The following RGS7BP variants were observed in gnomAD, a reference collection of about 807,000 sequenced individuals.
RGS7BP encodes regulator of G protein signaling 7 binding protein, also known as regulator of G protein signaling 7-binding protein.
RGS7BP carries 9 observed loss-of-function variants against 31.3 expected under a neutral mutation model. That is an observed-to-expected ratio of 0.29 (90% CI 0.17 to 0.50). RGS7BP has a LOEUF of 0.50. Among genes scored for constraint, RGS7BP ranks in the 20% least tolerant of loss-of-function variants. The pLI, the probability that RGS7BP is intolerant of heterozygous loss-of-function variation, is 0.98. For synonymous variants in RGS7BP, 115 were observed against 120.1 expected, an observed-to-expected ratio of 0.96 and a Z score of 0.28; for missense variants, 274 against 322.0, an observed-to-expected ratio of 0.85 and a Z score of 1.14.
At chr5:64,601,188 C>G (rs1268921471) in intron 5 of RGS7BP, among the ~76,000 whole-genome samples, 1 of 152,080 alleles carries the variant, frequency 6.6e-6, no homozygotes, top group African/African-American at 2.4e-5. Context: ...TTTCCTTTCT[C>G]TTTTTATTCC....
intron 5 of RGS7BP, among the ~76,000 whole-genome samples, chr5:64,600,399 GT>G (rs1427891230): frequency 1.3e-5 from 2 of 151,846 alleles, no homozygotes; most frequent in African/African-American, 4.8e-5. Flanking sequence ...CAGAAATTTT[GT>G]TTTATTTGGT....
rs74856498 is a variant in RGS7BP, at chr5:64,588,640, T to C, written c.464-6070T>C. Among the ~76,000 whole-genome samples, 491 of 152,306 alleles carry C rather than the reference T, an allele frequency of 3.2e-3. 1 individual carries two copies. Among genetic ancestry groups the C allele is most frequent in the Non-Finnish European group, 6.2e-3 (419 of 68,024 alleles). ...AGAAATCTCATGTCTTCTTCCAGTA[T>C]CCATGAAACTACAATAGGCTAATTT... On this transcript the variant is annotated intron_variant, in intron 3 of 5. Transcript: ENST00000334025.
chr5:64,538,546 C>CTTTTTT lies in RGS7BP; in HGVS notation c.332+30692_332+30697dup, dbSNP rs1191560944. Among the ~76,000 whole-genome samples, 29 of 40,030 alleles carry CTTTTTT rather than the reference C, an allele frequency of 7.2e-4. 5 individuals are homozygous for CTTTTTT. Among genetic ancestry groups the CTTTTTT allele is most frequent in the African/African-American group, 2.7e-3 (24 of 8,978 alleles). The allele number at this position is 40,030 out of a possible 152,430, so 26.3% of individuals were successfully genotyped here. ...TTCTTTTCTTTTTTTTTTTCCTTTT[C>CTTTTTT]TTTTTTTTTTTTTTTTTTTTTTTTT... On this transcript the variant is annotated intron_variant, in intron 2 of 5. Coordinates refer to ENST00000334025, the MANE Select transcript of RGS7BP (RefSeq NM_001029875.3).
At chr5:64,600,397 T>A (rs62372271) in intron 5 of RGS7BP, among the ~76,000 whole-genome samples, 15,402 of 152,220 alleles carry the variant, frequency 0.1, 848 homozygotes, top group Middle Eastern at 0.18. Flanking sequence ...AACAGAAATT[T>A]TGTTTTATTT....
intron 5 of RGS7BP, among the ~76,000 whole-genome samples, chr5:64,604,064 G>A (rs780655091): frequency 4.6e-5 from 7 of 152,302 alleles, no homozygotes; most frequent in Non-Finnish European, 1.0e-4. Flanking sequence ...CATCGTTAGG[G>A]AATTCTAAGT....
rs116570782 is a variant in RGS7BP at position 64,596,520 on chromosome 5, C to G, written c.611+1663C>G. On this transcript the variant is annotated intron_variant, in intron 4 of 5. Coordinates refer to ENST00000334025, the MANE Select transcript of RGS7BP (RefSeq NM_001029875.3). ...TTAGAGGAGACAGTGCCTCAATCCCCCATGTTGCATTCCTAGCCCTTTCTC... is the reference window on the plus strand; with the variant it reads ...TTAGAGGAGACAGTGCCTCAATCCCGCATGTTGCATTCCTAGCCCTTTCTC... 6.5e-3 allele frequency among the ~76,000 whole-genome samples: 988 copies of G among 152,230 alleles called. 12 individuals are homozygous for G. The highest frequency in any genetic ancestry group is 0.023 in the African/African-American group (945 of 41,536).
chr5:64,542,595 T>C (rs1741552940), intron 2 of RGS7BP, among the ~76,000 whole-genome samples: 2 of 152,204 alleles, frequency 1.3e-5, no homozygotes, highest in South Asian at 4.1e-4. Context: ...AGCCATAGCA[T>C]GTTTACAAGG....
At chr5:64,599,155 G>A (rs1476063946) in intron 5 of RGS7BP, among the ~76,000 whole-genome samples, 1 of 152,160 alleles carries the variant, frequency 6.6e-6, no homozygotes, top group Non-Finnish European at 1.5e-5. Flanking sequence ...TGTCACAATC[G>A]ATGTTTGTTA....
At chr5:64,576,590 G>A (rs575677864) in intron 3 of RGS7BP, among the ~76,000 whole-genome samples, 134 of 152,296 alleles carry the variant, frequency 8.8e-4, no homozygotes, top group Non-Finnish European at 1.7e-3. Context: ...TCCCAGCTAC[G>A]GAGAAAAAGT....
intron 2 of RGS7BP, among the ~76,000 whole-genome samples, chr5:64,555,104 T>C (rs1741889613): frequency 6.6e-6 from 1 of 151,918 alleles, no homozygotes. Flanking sequence ...AAATAGACAA[T>C]GGAATGATAC....
At chr5:64,569,798 C>A (rs750931757) in intron 2 of RGS7BP, among the ~76,000 whole-genome samples, 1 of 152,190 alleles carries the variant, frequency 6.6e-6, no homozygotes, top group African/African-American at 2.4e-5. Flanking sequence ...CTGGAGCTCA[C>A]TCTCCTTGGA....
intron 2 of RGS7BP, among the ~76,000 whole-genome samples, chr5:64,518,470 G>A (rs888737524): frequency 3.9e-5 from 6 of 152,124 alleles, no homozygotes; most frequent in Admixed American, 2.0e-4. Context: ...ATTAAGGAAT[G>A]ACATATGCAG....
At chr5:64,510,615 G>T (rs1248418510) in intron 2 of RGS7BP, among the ~76,000 whole-genome samples, 1 of 152,180 alleles carries the variant, frequency 6.6e-6, no homozygotes, top group Non-Finnish European at 1.5e-5. Context: ...TTGGACTATG[G>T]TGATGGTTAT....
At chr5:64,580,342 A>T (rs1367846139) in intron 3 of RGS7BP, among the ~76,000 whole-genome samples, 1 of 152,176 alleles carries the variant, frequency 6.6e-6, no homozygotes, top group Non-Finnish European at 1.5e-5. Context: ...TTTCATCTTC[A>T]TAAAAATAAG....
chr5:64,528,188 AT>A (rs1267241050), intron 2 of RGS7BP, among the ~76,000 whole-genome samples: 1 of 152,084 alleles, frequency 6.6e-6, no homozygotes. Context: ...CTCCTGCAGT[AT>A]TTGTTCTGGG....
chr5:64,560,736 A>T (rs1195385726), intron 2 of RGS7BP, among the ~76,000 whole-genome samples: 2 of 152,126 alleles, frequency 1.3e-5, no homozygotes, highest in Non-Finnish European at 2.9e-5. Flanking sequence ...TATTTGCATT[A>T]ATAATCTTCT....
Position 64,570,946 on chromosome 5 carries a change from T to C in RGS7BP, c.333-4828T>C, listed in dbSNP as rs532295212. Among the ~76,000 whole-genome samples the C allele has an allele frequency of 1.8e-4, 28 of 152,292 alleles. No homozygotes were observed. The South Asian group carries it at 5.6e-3, about 30-fold the overall frequency. ...TTAGTTCAATATTTGCTTTTGGGTT[T>C]TTTTTAAGTAAAATTTGCATGTAAT... is the stretch of plus-strand genomic sequence containing the variant. On this transcript the variant is annotated intron_variant, in intron 2 of 5. Coordinates refer to ENST00000334025, the MANE Select transcript of RGS7BP (RefSeq NM_001029875.3).
At chr5:64,529,540 A>G (rs1749319365) in intron 2 of RGS7BP, among the ~76,000 whole-genome samples, 2 of 152,314 alleles carry the variant, frequency 1.3e-5, no homozygotes, top group African/African-American at 2.4e-5. Flanking sequence ...TGTGATGCCC[A>G]TTGGAATCGC....
intron 2 of RGS7BP, chr5:64,539,882 T>C (rs991572217): frequency 6.6e-6 from 1 of 152,218 alleles, no homozygotes; most frequent in Non-Finnish European, 1.5e-5. Context: ...GTATGATATG[T>C]AGGTTAAGTT....
Sources: allele counts gnomAD v4.1 joint callset (sites outside exome capture counted in the v4.1 genomes callset), GRCh38; gene constraint gnomAD v4.1.1; transcripts MANE v1.5; gene names NCBI Gene and HGNC (gene_info 2026-07-23, HGNC 2026-07-21).